TENM2: variants seen among roughly 807,000 people sequenced by gnomAD.
The protein encoded by TENM2 is teneurin transmembrane protein 2.
In TENM2, 52 loss-of-function variants were observed where a neutral mutation model predicts 245.2. That is an observed-to-expected ratio of 0.21 (90% confidence interval 0.17 to 0.27). The LOEUF is 0.27. Ranked by LOEUF, TENM2 falls within the 10% of genes least tolerant of loss-of-function variation. The probability of loss-of-function intolerance (pLI) is 1.00; values close to 1 mark genes in which losing one functional copy is unlikely to be tolerated. For missense variants in TENM2, 3,046 were observed against 3,666.8 expected (o/e 0.83, Z 4.37); for synonymous variants, 1,363 against 1,438.9 (o/e 0.95, Z 1.19).
chr5:167,725,736 T>G (rs1759955109), intron 2 of TENM2, among the ~76,000 whole-genome samples: 1 of 152,158 alleles, frequency 6.6e-6, no homozygotes, highest in African/African-American at 2.4e-5. Flanking sequence ...TTATTTACTT[T>G]TCTAAGTGCA....
intron 3 of TENM2, among the ~76,000 whole-genome samples, chr5:167,932,195 GT>G (rs1486101854): frequency 2.6e-5 from 4 of 152,112 alleles, no homozygotes; most frequent in Non-Finnish European, 5.9e-5. Context: ...CATCGTGAAG[GT>G]CTCAGTCCCC....
chr5:167,291,074 T>A lies in TENM2; in HGVS notation c.226+6011T>A, dbSNP rs77432227. On this transcript the variant is annotated intron_variant, in intron 1 of 28. Coordinates refer to ENST00000518659, the Ensembl canonical transcript of TENM2. The stretch of plus-strand genomic sequence containing the variant: ...AGCCATTTGGCAACTATCTTCATGT[T>A]TGCCCAACTGTTATCCTCCCAGTAA... 2.4e-3 allele frequency among the ~76,000 whole-genome samples: 368 copies of A among 152,334 alleles called. 3 individuals are homozygous for A. Among genetic ancestry groups the A allele is most frequent in the African/African-American group, 8.5e-3 (355 of 41,574 alleles).
In TENM2 at chr5:168,183,598, A is replaced by G. The variant is rs185641762; in HGVS notation, c.2570-6739A>G. On this transcript the variant is annotated intron_variant, in intron 13 of 28. Transcript: ENST00000518659. ...CCTCCAGGACCCCTGCACCTTCTTCATTTCCATCACGAACAACCAGATTTC... is the reference window on the plus strand; with the variant it reads ...CCTCCAGGACCCCTGCACCTTCTTCGTTTCCATCACGAACAACCAGATTTC... Among the ~76,000 whole-genome samples the G allele has an allele frequency of 1.5e-4, 23 of 152,164 alleles. 1 individual carries two copies. The East Asian group carries it at 4.5e-3, about 30-fold the overall frequency.
intron 2 of TENM2, among the ~76,000 whole-genome samples, chr5:167,787,543 C>G (rs917543907): frequency 2.0e-5 from 3 of 152,206 alleles, no homozygotes; most frequent in African/African-American, 7.2e-5. Context: ...GCATTTCCCA[C>G]CTGGAAGCTC....
At chr5:168,105,375 A>G (rs1794159246) in intron 9 of TENM2, among the ~76,000 whole-genome samples, 1 of 152,134 alleles carries the variant, frequency 6.6e-6, no homozygotes, top group South Asian at 2.1e-4. Flanking sequence ...AGCAAAAGGC[A>G]TGGGGGTATT....
intron 2 of TENM2, among the ~76,000 whole-genome samples, chr5:167,561,208 C>A (rs929542968): frequency 3.3e-5 from 5 of 152,160 alleles, no homozygotes; most frequent in African/African-American, 9.7e-5. Context: ...CCTGGAAAAC[C>A]TGATGCAACC....
chr5:167,771,544 A>G (rs1326957965), intron 2 of TENM2, among the ~76,000 whole-genome samples: 2 of 152,162 alleles, frequency 1.3e-5, no homozygotes, highest in African/African-American at 4.8e-5. Context: ...GCTCCTTTGC[A>G]TTCTTGGTAA....
At chr5:167,161,933 C>T in the TENM2 span, among the ~76,000 whole-genome samples, 1 of 152,104 alleles carries the variant, frequency 6.6e-6, no homozygotes, top group Non-Finnish European at 1.5e-5. Flanking sequence ...CTTTGGGAGG[C>T]TGAGGCGGGC....
rs1762217809 is a variant in TENM2, at chr5:168,204,721, G to A, written c.3824+100G>A. On this transcript the variant is annotated intron_variant, in intron 19 of 28. Coordinates refer to ENST00000518659, the Ensembl canonical transcript of TENM2. ...GCTGCATTTGGGATTCTCCAGAGAA[G>A]ATATAGTCCTTGTGATCCAAAACCT... 4 of 1,452,024 alleles carry A rather than the reference G, an allele frequency of 2.8e-6. No individual in the cohort carries two copies. The South Asian group carries it at 5.5e-5, about 20-fold the overall frequency. 89.9% of individuals were successfully genotyped at this position (1,452,024 alleles called of 1,614,324 possible).
chr5:167,327,439 T>A (rs184057682), intron 1 of TENM2, among the ~76,000 whole-genome samples: 1 of 152,178 alleles, frequency 6.6e-6, no homozygotes, highest in Non-Finnish European at 1.5e-5. Flanking sequence ...AGGAATTAAA[T>A]ATGAAATATA....
At chr5:167,992,762 C>A (rs1783764993) in intron 4 of TENM2, among the ~76,000 whole-genome samples, 182 bp from the exon 7 acceptor site, 2 of 152,164 alleles carry the variant, frequency 1.3e-5, no homozygotes, top group Admixed American at 6.5e-5. Context: ...GCAAATTATG[C>A]ACATTTATGG....
chr5:167,137,716 G>C, the TENM2 span, among the ~76,000 whole-genome samples: 1 of 152,226 alleles, frequency 6.6e-6, no homozygotes, highest in South Asian at 2.1e-4. Flanking sequence ...ATAGTTGTGA[G>C]TAATATGTAT....
intron 27 of TENM2, among the ~76,000 whole-genome samples, chr5:168,259,259 G>A (rs1238056413): frequency 6.6e-6 from 1 of 151,946 alleles, no homozygotes; most frequent in Non-Finnish European, 1.5e-5. Flanking sequence ...CTTACTCTGG[G>A]CAGTCAGTAC....
chr5:167,467,504 A>C (rs1766738535), intron 2 of TENM2, among the ~76,000 whole-genome samples: 2 of 96,710 alleles, frequency 2.1e-5, no homozygotes, highest in Admixed American at 1.2e-4. Flanking sequence ...GGTCATTATT[A>C]CTCTTGTTTG....
At chr5:167,749,546 G>A (rs1340644039) in intron 2 of TENM2, among the ~76,000 whole-genome samples, 1 of 151,934 alleles carries the variant, frequency 6.6e-6, no homozygotes, top group Non-Finnish European at 1.5e-5. Flanking sequence ...GCTGAGGCAG[G>A]AGAATCGCTT....
intron 1 of TENM2, among the ~76,000 whole-genome samples, chr5:167,330,977 C>A (rs1379502271): frequency 2.6e-5 from 4 of 151,874 alleles, no homozygotes; most frequent in Non-Finnish European, 5.9e-5. Context: ...GTGGCTCATG[C>A]CTATAATCCC....
the TENM2 span, among the ~76,000 whole-genome samples, chr5:166,979,229 A>AGCC: frequency 6.9e-6 from 1 of 145,290 alleles, no homozygotes; most frequent in Non-Finnish European, 1.5e-5. Context: ...CAGCAGCAGC[A>AGCC]GCAGCAGCCG....
At chr5:167,188,297 C>G in the TENM2 span, among the ~76,000 whole-genome samples, 14 of 152,278 alleles carry the variant, frequency 9.2e-5, no homozygotes, top group African/African-American at 3.1e-4. Context: ...AGGCCAATGC[C>G]GTTCTTCAGC....
At chr5:167,365,525 TA>T (rs1244061507) in intron 1 of TENM2, among the ~76,000 whole-genome samples, 1 of 151,596 alleles carries the variant, frequency 6.6e-6, no homozygotes, top group Non-Finnish European at 1.5e-5. Flanking sequence ...ATGATCAATT[TA>T]AAAAAAGAAA....
Sources: allele counts gnomAD v4.1 joint callset (sites outside exome capture counted in the v4.1 genomes callset), GRCh38; gene constraint gnomAD v4.1.1; transcripts MANE v1.5; gene names NCBI Gene and HGNC (gene_info 2026-07-23, HGNC 2026-07-21).